ROBO2: variants seen among roughly 807,000 people sequenced by gnomAD.
The protein encoded by ROBO2 is roundabout homolog 2.
Under a neutral mutation model 160.8 loss-of-function variants are expected in ROBO2, and 53 were observed. The observed-to-expected ratio is 0.33, with a 90% confidence interval of 0.26 to 0.41. ROBO2 has a LOEUF of 0.41. Ranked by LOEUF, ROBO2 falls within the 10% of genes least tolerant of loss-of-function variation. The pLI is 1.00. For synonymous variants in ROBO2, 664 were observed against 611.7 expected, an observed-to-expected ratio of 1.09 and a Z score of -1.26; for missense variants, 1,577 against 1,722.4, an observed-to-expected ratio of 0.92 and a Z score of 1.49.
intron 2 of ROBO2, among the ~76,000 whole-genome samples, chr3:76,721,986 A>C (rs1407990927): frequency 6.6e-6 from 1 of 152,180 alleles, no homozygotes; most frequent in African/African-American, 2.4e-5. Context: ...AATCAGGTTT[A>C]AGTGATTTGA....
chr3:77,556,450 A>G (rs932237050), intron 8 of ROBO2, among the ~76,000 whole-genome samples: 1 of 151,832 alleles, frequency 6.6e-6, no homozygotes, highest in Non-Finnish European at 1.5e-5. Flanking sequence ...AGAATCTGCA[A>G]TGTCTTGATA....
chr3:77,542,659 T>C (rs1044652813), intron 6 of ROBO2, among the ~76,000 whole-genome samples: 3 of 152,142 alleles, frequency 2.0e-5, no homozygotes, highest in Admixed American at 6.5e-5. Flanking sequence ...ATACCATCAG[T>C]GGTAAATATT....
intron 2 of ROBO2, among the ~76,000 whole-genome samples, chr3:77,348,669 C>T (rs569629139): frequency 3.3e-5 from 5 of 152,126 alleles, no homozygotes; most frequent in Admixed American, 2.0e-4. Context: ...GTCCAGATTG[C>T]GTTCATTTCC....
At chr3:76,768,919 C>G (rs578134929) in intron 2 of ROBO2, among the ~76,000 whole-genome samples, 1 of 151,302 alleles carries the variant, frequency 6.6e-6, no homozygotes, top group South Asian at 2.1e-4. Flanking sequence ...CCTTTATATA[C>G]TTGAAGATTG....
chr3:76,372,581 C>A (rs570832203), intron 2 of ROBO2, among the ~76,000 whole-genome samples: 255 of 151,996 alleles, frequency 1.7e-3, no homozygotes, highest in African/African-American at 5.8e-3. Flanking sequence ...TCTTCTACTT[C>A]GGGTTAGCTG....
At chr3:76,278,292 A>G (rs1383324879) in intron 2 of ROBO2, among the ~76,000 whole-genome samples, 2 of 151,982 alleles carry the variant, frequency 1.3e-5, no homozygotes, top group African/African-American at 2.4e-5. Flanking sequence ...AGATCCTAGT[A>G]TTCCTGTAGC....
At chr3:76,469,943 A>G (rs1327885054) in intron 2 of ROBO2, among the ~76,000 whole-genome samples, 6 of 152,188 alleles carry the variant, frequency 3.9e-5, no homozygotes, top group Non-Finnish European at 4.4e-5. Flanking sequence ...ATAAATGAAT[A>G]AAGAAAGAAA....
intron 2 of ROBO2, among the ~76,000 whole-genome samples, chr3:77,123,989 G>A (rs574984191): frequency 6.7e-6 from 1 of 149,800 alleles, no homozygotes; most frequent in South Asian, 2.1e-4. Context: ...AGATATATAT[G>A]TATCTATATA....
At chr3:77,276,468 C>G (rs754570308) in intron 2 of ROBO2, among the ~76,000 whole-genome samples, 1 of 152,134 alleles carries the variant, frequency 6.6e-6, no homozygotes, top group African/African-American at 2.4e-5. Flanking sequence ...GCATTGCCTC[C>G]CTTGAGAATG....
At chr3:76,986,685 G>A (rs979833813) in intron 2 of ROBO2, among the ~76,000 whole-genome samples, 4 of 152,102 alleles carry the variant, frequency 2.6e-5, no homozygotes, top group African/African-American at 9.7e-5. Context: ...AAATGGAAAT[G>A]TAATTCATGT....
chr3:76,345,869 C>T (rs1054160394), intron 2 of ROBO2, among the ~76,000 whole-genome samples: 74 of 152,082 alleles, frequency 4.9e-4, no homozygotes, highest in Non-Finnish European at 7.9e-4. Context: ...TTACCTAAAG[C>T]GTACCAAACT....
intron 2 of ROBO2, among the ~76,000 whole-genome samples, chr3:77,157,637 C>T (rs2078130806): frequency 6.6e-6 from 1 of 151,998 alleles, no homozygotes; most frequent in African/African-American, 2.4e-5. Context: ...TGTCTGTTCC[C>T]TATTTTTTGG....
chr3:76,667,909 C>A (rs998811771), intron 2 of ROBO2, among the ~76,000 whole-genome samples: 1 of 151,920 alleles, frequency 6.6e-6, no homozygotes, highest in South Asian at 2.1e-4. Flanking sequence ...GAATAAAGCA[C>A]AGTAAGTTTG....
At chr3:77,323,388 G>C (rs1370602313) in intron 2 of ROBO2, among the ~76,000 whole-genome samples, 2 of 151,830 alleles carry the variant, frequency 1.3e-5, no homozygotes, top group Non-Finnish European at 2.9e-5. Context: ...CTGATATCAG[G>C]TATAAGATGA....
intron 2 of ROBO2, among the ~76,000 whole-genome samples, chr3:76,655,218 A>C (rs1816956): frequency 0.98 from 145,876 of 149,570 alleles, 71,155 homozygotes; most frequent in East Asian, 1. Context: ...CTATCAACAG[A>C]AAACTGAAGA....
At chr3:76,973,819 C>T (rs1022014919) in intron 2 of ROBO2, among the ~76,000 whole-genome samples, 3 of 152,250 alleles carry the variant, frequency 2.0e-5, no homozygotes, top group Admixed American at 1.3e-4. Context: ...AAAGGGCTCA[C>T]CGTCTAGTTC....
chr3:76,177,194 T>C (rs192633167), intron 2 of ROBO2, among the ~76,000 whole-genome samples: 2 of 152,282 alleles, frequency 1.3e-5, no homozygotes, highest in East Asian at 3.9e-4. Context: ...TGCTAAAGAT[T>C]TAAGAAGATA....
intron 2 of ROBO2, among the ~76,000 whole-genome samples, chr3:77,148,550 T>C (rs986843459): frequency 2.0e-5 from 3 of 152,226 alleles, no homozygotes; most frequent in Non-Finnish European, 4.4e-5. Context: ...AGTTCTCATG[T>C]TCCCATTCCT....
Position 76,892,605 on chromosome 3 carries a change from T to C in ROBO2, c.110-205409T>C, listed in dbSNP as rs185950963. The stretch of plus-strand genomic sequence containing the variant: ...AACACTCCCTCAAATGTAAGCTCTA[T>C]ATGCTTTGTCCTGTCTCTCTTCATT... On this transcript the variant is annotated intron_variant, in intron 2 of 26. Transcript: ENST00000487694. 2.0e-5 allele frequency among the ~76,000 whole-genome samples: 3 copies of C among 152,278 alleles called. No homozygotes were observed. In the East Asian group the frequency reaches 5.8e-4, roughly 29 times the overall value.
Sources: gnomAD v4.1 joint callset for allele counts (sites outside exome capture counted in the v4.1 genomes callset) on GRCh38, gnomAD v4.1.1 for gene constraint, MANE v1.5 for transcripts, NCBI Gene and HGNC (gene_info 2026-07-23, HGNC 2026-07-21) for gene names.